Variants in LRRC63 observed in about 807,000 individuals in gnomAD.
LRRC63 encodes leucine-rich repeat-containing protein 63.
A neutral mutation model predicts 49.5 loss-of-function variants in LRRC63; 40 were observed. The ratio of observed to expected loss-of-function variants is 0.81; its 90% CI spans 0.63 to 1.05. The LOEUF (loss-of-function observed/expected upper bound fraction) is 1.05, where lower values mean the gene tolerates loss of function less well. Among genes scored for constraint, LRRC63 ranks in the 50% least tolerant of loss-of-function variants. The pLI is 0.00. For missense variants in LRRC63, 636 were observed against 663.1 expected, an observed-to-expected ratio of 0.96 and a Z score of 0.45; for synonymous variants, 191 against 221.1, an observed-to-expected ratio of 0.86 and a Z score of 1.21.
chr13:46,219,677 G>A (rs1257023811), intron 2 of LRRC63, among the ~76,000 whole-genome samples: 1 of 152,176 alleles, frequency 6.6e-6, no homozygotes, highest in Non-Finnish European at 1.5e-5. Flanking sequence ...GAGGAGAAGA[G>A]GCATTCTGGT....
chr13:46,235,294 G>A (rs76762934), intron 5 of LRRC63, among the ~76,000 whole-genome samples: 5,971 of 152,158 alleles, frequency 0.039, 371 homozygotes, highest in African/African-American at 0.14. Context: ...CTGAACACAA[G>A]TTAAAGGAGC....
chr13:46,242,318 G>A (rs1002660737), intron 5 of LRRC63, among the ~76,000 whole-genome samples: 2 of 152,166 alleles, frequency 1.3e-5, no homozygotes, highest in Non-Finnish European at 2.9e-5. Context: ...CTATTGGAAG[G>A]TGGAGGGTGG....
chr13:46,255,771 T>A (rs545312793), intron 7 of LRRC63, among the ~76,000 whole-genome samples: 22 of 151,944 alleles, frequency 1.4e-4, no homozygotes, highest in Non-Finnish European at 2.8e-4. Flanking sequence ...CTTAGGTATT[T>A]GATTTAAAGT....
At chr13:46,267,340 A>G (rs1239633536) in intron 9 of LRRC63, among the ~76,000 whole-genome samples, 1 of 152,240 alleles carries the variant, frequency 6.6e-6, no homozygotes, top group African/African-American at 2.4e-5. Flanking sequence ...CTGTGATGTC[A>G]TGGAGACCAG....
Position 46,241,219 on chromosome 13 carries a change from G to A in LRRC63, c.991-5308G>A, listed in dbSNP as rs892157266. ...ACAAAGCTGACAAAAACAAGCAATG[G>A]GGAAAGGATTCCCTATTCAATAAAT... On this transcript the variant is annotated intron_variant, in intron 5 of 9. Coordinates refer to ENST00000595396, the Ensembl canonical transcript of LRRC63. 3.9e-5 allele frequency among the ~76,000 whole-genome samples: 6 copies of A among 152,146 alleles called. No individual in the cohort carries two copies. The East Asian group carries it at 9.6e-4, about 24-fold the overall frequency.
intron 2 of LRRC63, among the ~76,000 whole-genome samples, chr13:46,218,216 T>A (rs1020844143): frequency 6.6e-6 from 1 of 152,114 alleles, no homozygotes; most frequent in African/African-American, 2.4e-5. Context: ...AAGTCTCCCA[T>A]TATTATTGTG....
At chr13:46,218,709 C>T (rs1164556215) in intron 2 of LRRC63, among the ~76,000 whole-genome samples, 2 of 152,084 alleles carry the variant, frequency 1.3e-5, no homozygotes, top group African/African-American at 4.8e-5. Context: ...ATGGTCTTTA[C>T]AATTTGGTAT....
At chr13:46,233,721 G>A (rs927666523) in intron 4 of LRRC63, among the ~76,000 whole-genome samples, 1 of 152,098 alleles carries the variant, frequency 6.6e-6, no homozygotes, top group Non-Finnish European at 1.5e-5. Flanking sequence ...CAAACTAAAG[G>A]AAGAGTTTAA....
chr13:46,215,216 T>C (rs779450813), intron 2 of LRRC63, among the ~76,000 whole-genome samples: 3 of 152,278 alleles, frequency 2.0e-5, no homozygotes, highest in African/African-American at 4.8e-5. Flanking sequence ...TGAACTAATT[T>C]ACATTCCCAC....
chr13:46,234,979 C>T (rs980967159), intron 5 of LRRC63, among the ~76,000 whole-genome samples: 1 of 152,216 alleles, frequency 6.6e-6, no homozygotes, highest in African/African-American at 2.4e-5. Flanking sequence ...GGAAAAGCTA[C>T]AGAGAGTTTA....
chr13:46,255,045 A>G (rs1265631379), intron 7 of LRRC63, among the ~76,000 whole-genome samples: 1 of 152,246 alleles, frequency 6.6e-6, no homozygotes, highest in Non-Finnish European at 1.5e-5. Context: ...ATGAATAAAC[A>G]AAATGTGATA....
chr13:46,229,093 A>G (rs2046666870), intron 4 of LRRC63, among the ~76,000 whole-genome samples: 1 of 152,242 alleles, frequency 6.6e-6, no homozygotes, highest in Non-Finnish European at 1.5e-5. Context: ...CATTATGTCT[A>G]CAAACAATCT....
exon 10 of LRRC63, chr13:46,276,845 TA>T: frequency 2.0e-5 from 3 of 147,774 alleles, no homozygotes. Flanking sequence ...TATATATATA[TA>T]TATATTTATA....
intron 5 of LRRC63, among the ~76,000 whole-genome samples, chr13:46,244,880 T>C (rs1456963798): frequency 2.0e-5 from 3 of 152,114 alleles, no homozygotes; most frequent in Non-Finnish European, 4.4e-5. Context: ...TTGTTAAAGG[T>C]AAATGGGTTA....
exon 5 of LRRC63, chr13:46,234,320 G>A: frequency 6.5e-7 from 1 of 1,550,152 alleles, no homozygotes; most frequent in Middle Eastern, 1.7e-4. Flanking sequence ...AAACTGTCAA[G>A]TATATGGGAG....
At chr13:46,251,750 TA>T (rs2047389725) in intron 7 of LRRC63, among the ~76,000 whole-genome samples, 1 of 151,878 alleles carries the variant, frequency 6.6e-6, no homozygotes, top group Non-Finnish European at 1.5e-5. Flanking sequence ...TGTATAAATA[TA>T]TATGTATATA....
chr13:46,265,104 G>A (rs2047666300), intron 8 of LRRC63, among the ~76,000 whole-genome samples: 1 of 152,016 alleles, frequency 6.6e-6, no homozygotes, highest in Non-Finnish European at 1.5e-5. Flanking sequence ...AGCTTGCAGT[G>A]AGCCGAGATC....
chr13:46,255,645 A>AATAT (rs142798828), intron 7 of LRRC63, among the ~76,000 whole-genome samples: 2,450 of 129,338 alleles, frequency 0.019, 114 homozygotes, highest in African/African-American at 0.045. Context: ...CCCTGCCTCA[A>AATAT]ATATATATAT....
At chr13:46,257,565 T>C (rs73188824) in intron 7 of LRRC63, among the ~76,000 whole-genome samples, 20 of 152,220 alleles carry the variant, frequency 1.3e-4, no homozygotes, top group Non-Finnish European at 2.1e-4. Flanking sequence ...ATAAGTGATA[T>C]GAAAAAGAAC....
Sources: gnomAD v4.1 joint callset for allele counts (sites outside exome capture counted in the v4.1 genomes callset) on GRCh38, gnomAD v4.1.1 for gene constraint, MANE v1.5 for transcripts, NCBI Gene and HGNC (gene_info 2026-07-23, HGNC 2026-07-21) for gene names.